HSD17B3: variants seen among roughly 807,000 people sequenced by gnomAD.
HSD17B3 encodes the protein hydroxysteroid 17-beta dehydrogenase 3, also known as 17-beta-hydroxysteroid dehydrogenase type 3.
Under a neutral mutation model 41.1 loss-of-function variants are expected in HSD17B3, and 29 were observed. That is an observed-to-expected ratio of 0.71 (90% CI 0.53 to 0.96). The LOEUF (loss-of-function observed/expected upper bound fraction) is 0.96. Ranked by LOEUF, HSD17B3 falls within the 40% of genes least tolerant of loss-of-function variation. The pLI is 0.00. For synonymous variants in HSD17B3, 126 were observed against 145.6 expected, an observed-to-expected ratio of 0.87 and a Z score of 0.97; for missense variants, 323 against 374.6, an observed-to-expected ratio of 0.86 and a Z score of 1.14.
In HSD17B3 at chr9:96,254,897, T is replaced by C. The variant is rs1332228281; in HGVS notation, c.248A>G (p.Glu83Gly). Residue 83 changes from glutamate to glycine, a missense_variant, in exon 3 of 11, where the codon GAA (glutamate) becomes GGA (glycine). Coordinates refer to ENST00000375263, the MANE Select transcript of HSD17B3 (RefSeq NM_000197.2). ...LNVVLISRTL[E>G]KLEAIATEIE... The stretch of plus-strand genomic sequence containing the variant: ...CTCTGTGGCAATGGCCTCTAGTTTT[T>C]CCAGCGTCCGGCTAATAAGGACAAC... 5.6e-6 allele frequency: 9 copies of C among 1,613,984 alleles called. No homozygotes were observed. The highest frequency in any genetic ancestry group is 1.3e-5 in the African/African-American group (1 of 74,922).
intron 2 of HSD17B3, among the ~76,000 whole-genome samples, chr9:96,272,405 C>CTCTCTCTCTCTCTCTCTCTCTA (rs1239816824): frequency 3.3e-4 from 7 of 21,536 alleles, no homozygotes; most frequent in Admixed American, 6.4e-4. Flanking sequence ...CTCTCTCTCT[C>CTCTCTCTCTCTCTCTCTCTCTA]TATATATATA....
At chr9:96,257,072 G>A (rs1430482771) in intron 2 of HSD17B3, among the ~76,000 whole-genome samples, 1 of 152,046 alleles carries the variant, frequency 6.6e-6, no homozygotes, top group Non-Finnish European at 1.5e-5. Context: ...CTTCCGCCAC[G>A]TTTGTAAGTT....
chr9:96,276,647 CA>C (rs8190523), intron 2 of HSD17B3, among the ~76,000 whole-genome samples: 30,178 of 152,004 alleles, frequency 0.2, 3,587 homozygotes, highest in East Asian at 0.56. Context: ...CAAGAGCACA[CA>C]ATTAGGAAAA....
intron 1 of HSD17B3, 79 bp downstream of exon 1, chr9:96,301,872 G>A: frequency 6.9e-7 from 1 of 1,456,840 alleles, no homozygotes; most frequent in South Asian, 1.1e-5. Context: ...CAGAGCAAGT[G>A]TCTGTCTCAA....
chr9:96,269,392 AT>A (rs1826155666), intron 2 of HSD17B3, among the ~76,000 whole-genome samples: 1 of 152,134 alleles, frequency 6.6e-6, no homozygotes, highest in Non-Finnish European at 1.5e-5. Context: ...CTCATGACAT[AT>A]CCTGCAGGAG....
At chr9:96,239,699 G>A (rs1782067731) in intron 10 of HSD17B3, 1 of 152,214 alleles carries the variant, frequency 6.6e-6, no homozygotes, top group South Asian at 2.1e-4. Context: ...ATGAGACAGA[G>A]GAGGAAATTG....
intron 1 of HSD17B3, among the ~76,000 whole-genome samples, chr9:96,299,421 C>G (rs1293529995): frequency 6.6e-6 from 1 of 152,206 alleles, no homozygotes; most frequent in East Asian, 1.9e-4. Context: ...GAACTATGCT[C>G]AGGGCATCTT....
intron 2 of HSD17B3, among the ~76,000 whole-genome samples, chr9:96,275,165 G>A (rs368789031): frequency 3.9e-5 from 6 of 151,988 alleles, no homozygotes; most frequent in South Asian, 4.2e-4. Context: ...GAAAGATAAC[G>A]TGTTTCCCAG....
At position 96,246,549 on chromosome 9, in the gene HSD17B3, G is replaced by C; in HGVS notation, c.524+7C>G. 1 of 1,613,928 alleles carries C rather than the reference G, an allele frequency of 6.2e-7. No homozygotes were observed. The highest frequency in any genetic ancestry group is 8.5e-7 in the Non-Finnish European group (1 of 1,179,866). On this transcript the variant is annotated splice_region_variant and intron_variant, in intron 7 of 10. Transcript: ENST00000375263. ...GTTGCTCCACACTTTTTTGAAGAAGGCCTTACCTTGATTCCATATGTTTCA... is the reference window on the plus strand; with the variant it reads ...GTTGCTCCACACTTTTTTGAAGAAGCCCTTACCTTGATTCCATATGTTTCA...
rs767254534 is a variant in HSD17B3, at chr9:96,301,953, G to A, written c.152C>T (p.Ala51Val). ...KSFLRSMGQW[A>V]VITGAGDGIG... is the part of the protein sequence containing the mutation. The stretch of plus-strand genomic sequence containing the variant: ...CATGAGATGGAACACTCCCTTACCT[G>A]CCCACTGTCCCATTGACCGCAAGAA... The change falls in exon 1 of 11, where the codon GCA becomes GTA. Residue 51 changes from alanine to valine, a missense_variant and splice_region_variant. Physicochemically the swap from Ala to Val is moderately conservative, Grantham distance 64 (BLOSUM62 0). Transcript: ENST00000375263. 7 of 1,613,648 alleles carry A rather than the reference G, an allele frequency of 4.3e-6. No individual in the cohort carries two copies. The highest frequency in any genetic ancestry group is 5.9e-6 in the Non-Finnish European group (7 of 1,179,792).
intron 2 of HSD17B3, among the ~76,000 whole-genome samples, chr9:96,269,078 C>T (rs1025725007): frequency 2.0e-5 from 3 of 152,208 alleles, no homozygotes; most frequent in Admixed American, 6.5e-5. Context: ...CACTTACACA[C>T]ACCTAGAGGG....
chr9:96,243,402 A>T (rs1836528255), intron 9 of HSD17B3, among the ~76,000 whole-genome samples: 1 of 152,192 alleles, frequency 6.6e-6, no homozygotes. Flanking sequence ...TATTGGCCAA[A>T]TTCCTACCAT....
At position 96,299,995 on chromosome 9, in the gene HSD17B3, C is replaced by G. The variant is rs145680667; in HGVS notation, c.155-1533G>C. On this transcript the variant is annotated intron_variant, in intron 1 of 10. Coordinates refer to ENST00000375263, the MANE Select transcript of HSD17B3 (RefSeq NM_000197.2). ...TTTTTCCTTTGAGTCACCAAATGCT[C>G]TTAGTCTCTGTCCCCATTTGAACTT... Among the ~76,000 whole-genome samples the G allele has an allele frequency of 6.1e-3, 932 of 152,144 alleles. 16 individuals are homozygous for G. The highest frequency in any genetic ancestry group is 0.021 in the African/African-American group (857 of 41,504).
At chr9:96,246,374 G>T in intron 7 of HSD17B3, 182 bp downstream of exon 7, 1 of 667,348 alleles carries the variant, frequency 1.5e-6, no homozygotes, top group Non-Finnish European at 2.7e-6. Flanking sequence ...TTGTCTGTCT[G>T]CAGAGCTGGC....
At position 96,254,853 on chromosome 9, in the gene HSD17B3, T is replaced by TG. The variant is rs773668544; in HGVS notation, c.277+14dup. On this transcript the variant is annotated intron_variant, in intron 3 of 10. Coordinates refer to ENST00000375263, the MANE Select transcript of HSD17B3 (RefSeq NM_000197.2). Reference sequence around the variant, plus strand: ...GGGCTCCACACACATCTCCCTTATTTGGGGGGTCACTCACCGATCTCTGTG... The same window carrying TG: ...GGGCTCCACACACATCTCCCTTATTTGGGGGGGTCACTCACCGATCTCTGTG... The TG allele has an allele frequency of 4.3e-6, 7 of 1,611,340 alleles. No homozygotes were observed. The highest frequency in any genetic ancestry group is 2.2e-5 in the South Asian group (2 of 90,924).
chr9:96,286,852 C>A (rs1826940936), intron 2 of HSD17B3, among the ~76,000 whole-genome samples: 1 of 152,262 alleles, frequency 6.6e-6, no homozygotes, highest in Middle Eastern at 3.4e-3. Flanking sequence ...AATAATCCAC[C>A]CCTTGTTTAG....
At chr9:96,241,961 A>AAAAGAAAGAAAGAAAGGAAG (rs1554692348) in intron 9 of HSD17B3, among the ~76,000 whole-genome samples, 5 of 100,696 alleles carry the variant, frequency 5.0e-5, no homozygotes, top group African/African-American at 2.1e-4. Flanking sequence ...AAAGAACAGA[A>AAAAGAAAGAAAGAAAGGAAG]AAAGAAAGAA....
At chr9:96,289,785 G>T (rs888746703) in intron 2 of HSD17B3, among the ~76,000 whole-genome samples, 29 of 152,022 alleles carry the variant, frequency 1.9e-4, no homozygotes, top group Admixed American at 1.4e-3. Context: ...CTTATTTCCA[G>T]AATGTCCAGG....
chr9:96,291,590 A>C (rs1440417569), intron 2 of HSD17B3, among the ~76,000 whole-genome samples: 1 of 152,226 alleles, frequency 6.6e-6, no homozygotes, highest in Non-Finnish European at 1.5e-5. Context: ...CTGAATGAGA[A>C]AATACTAACA....
Sources: allele counts gnomAD v4.1 joint callset (sites outside exome capture counted in the v4.1 genomes callset), GRCh38; gene constraint gnomAD v4.1.1; transcripts MANE v1.5; gene names NCBI Gene and HGNC (gene_info 2026-07-23, HGNC 2026-07-21).